Variants in FBXO31 observed in about 807,000 individuals in gnomAD.
FBXO31 encodes the protein F-box only protein 31.
Under a neutral mutation model 54.4 loss-of-function variants are expected in FBXO31, and 24 were observed. The observed-to-expected ratio is 0.44, with a 90% CI of 0.32 to 0.62. FBXO31 has a LOEUF of 0.62. Ranked by LOEUF, FBXO31 falls within the 20% of genes least tolerant of loss-of-function variation. The probability of loss-of-function intolerance (pLI) is 0.05; values close to 1 mark genes in which losing one functional copy is unlikely to be tolerated. For synonymous variants in FBXO31, 388 were observed against 335.6 expected (o/e 1.16, Z -1.71); for missense variants, 665 against 787.1 (o/e 0.84, Z 1.86).
At chr16:87,373,172 C>A (rs566240624) in intron 1 of FBXO31, among the ~76,000 whole-genome samples, 13 of 152,232 alleles carry the variant, frequency 8.5e-5, no homozygotes, top group African/African-American at 3.1e-4. Context: ...CTGAAGCTGG[C>A]CGGGCACAGT....
intron 3 of FBXO31, among the ~76,000 whole-genome samples, chr16:87,344,674 A>G (rs1905303216): frequency 2.6e-5 from 4 of 152,170 alleles, no homozygotes; most frequent in African/African-American, 9.6e-5. Flanking sequence ...CACTGCCAGT[A>G]AGTAAAACAA....
intron 1 of FBXO31, among the ~76,000 whole-genome samples, chr16:87,380,980 T>C (rs1411671192): frequency 6.6e-6 from 1 of 152,238 alleles, no homozygotes; most frequent in African/African-American, 2.4e-5. Flanking sequence ...CCTTACGGTT[T>C]CCCAAACAAA....
In FBXO31 at chr16:87,378,825, G is replaced by A. The variant is rs192671060; in HGVS notation, c.340+4580C>T. ...AAAGACAAAAAATTTAGCAGGGCAC[G>A]GTGGCGGGCGCCTGTAGTCCCAGCT... is the stretch of plus-strand genomic sequence containing the variant. On this transcript the variant is annotated intron_variant, in intron 1 of 8. Transcript: ENST00000311635. Among the ~76,000 whole-genome samples, 262 of 152,094 alleles carry A rather than the reference G, an allele frequency of 1.7e-3. 1 individual carries two copies. Among genetic ancestry groups the A allele is most frequent in the African/African-American group, 5.8e-3 (242 of 41,498 alleles).
upstream of FBXO31, among the ~76,000 whole-genome samples, chr16:87,390,426 T>C (rs1030931597): frequency 2.6e-5 from 4 of 152,142 alleles, no homozygotes; most frequent in Admixed American, 6.5e-5. Context: ...ATAAAAGCAC[T>C]TTGAGAAATA....
Position 87,383,604 on chromosome 16 carries a change from G to A in FBXO31, c.141C>T (p.Ser47=). ...TDPEEERIEA[S]AGVGGGLCAG... is the part of the protein sequence containing the mutation. ...CGCACAAGCCGCCCCCGACCCCGGC[G>A]CTAGCCTCGATGCGCTCCTCCTCGG... is the stretch of plus-strand genomic sequence containing the variant. The change falls in exon 1 of 9, where the codon AGC becomes AGT. Residue 47 remains serine (S), a synonymous_variant. Transcript: ENST00000311635. The surrounding 1 kb of genome is among the most constrained non-coding windows in gnomAD (Gnocchi z 4.9). 6.8e-7 allele frequency: 1 copy of A among 1,470,606 alleles called. No individual in the cohort carries two copies. The highest frequency in any genetic ancestry group is 1.5e-5 in the African/African-American group (1 of 67,882). The allele number at this position is 1,470,606 out of a possible 1,614,324, so 91.1% of individuals were successfully genotyped here. A position where few individuals can be genotyped will look rare whatever the true frequency, so the allele number is the denominator to read the frequency against.
intron 2 of FBXO31, among the ~76,000 whole-genome samples, chr16:87,355,978 T>A (rs1373626153): frequency 6.6e-6 from 1 of 152,060 alleles, no homozygotes; most frequent in Non-Finnish European, 1.5e-5. Flanking sequence ...TCAGTGCTTG[T>A]CCCCTTGTAT....
At chr16:87,370,741 C>T (rs900030466) in intron 1 of FBXO31, among the ~76,000 whole-genome samples, 1 of 152,148 alleles carries the variant, frequency 6.6e-6, no homozygotes, top group Non-Finnish European at 1.5e-5. Context: ...GAGGGGGCGG[C>T]GAGTGCTGAG....
At chr16:87,391,403 G>C (rs1229439357), upstream of FBXO31, among the ~76,000 whole-genome samples, 2 of 152,208 alleles carry the variant, frequency 1.3e-5, no homozygotes, top group Non-Finnish European at 2.9e-5. Flanking sequence ...GGTGGTTTAC[G>C]CACTGCAGCC....
At chr16:87,344,016 A>G (rs939473043) in intron 3 of FBXO31, among the ~76,000 whole-genome samples, 3 of 152,212 alleles carry the variant, frequency 2.0e-5, no homozygotes, top group Non-Finnish European at 4.4e-5. Context: ...GACAGAGGGA[A>G]AGGGGGTGCA....
chr16:87,352,991 T>C (rs1269264228), intron 2 of FBXO31, among the ~76,000 whole-genome samples: 1 of 152,184 alleles, frequency 6.6e-6, no homozygotes, highest in Non-Finnish European at 1.5e-5. Context: ...GATGGAGATT[T>C]TGTGGGTGGA....
chr16:87,384,600 GTCCTCTCACCTGAGCAGCCGCGCAC>G (rs1470617646), upstream of FBXO31, among the ~76,000 whole-genome samples: 5 of 152,220 alleles, frequency 3.3e-5, no homozygotes, highest in Non-Finnish European at 4.4e-5. Context: ...CCGCGAAGGC[GTCCTCTCACCTGAGCAGCCGCGCAC>G]GTCGCCGTGG....
chr16:87,334,048 G>T lies in FBXO31; in HGVS notation c.1235C>A (p.Pro412His), dbSNP rs1346243127. 1.2e-6 allele frequency: 2 copies of T among 1,612,406 alleles called. No homozygotes were observed. Among genetic ancestry groups the T allele is most frequent in the Non-Finnish European group, 1.7e-6 (2 of 1,179,622 alleles). ...PSPAQPRAEAPSKGPDGTPGE... is the reference protein window; with the variant it reads ...PSPAQPRAEAHSKGPDGTPGE... Reference sequence around the variant, plus strand: ...AGGTGTCCCATCTGGGCCCTTGCTGGGCGCCTCTGCCCTGGGCTGGGCAGG... The same window carrying T: ...AGGTGTCCCATCTGGGCCCTTGCTGTGCGCCTCTGCCCTGGGCTGGGCAGG... The change falls in exon 8 of 9, where the codon CCC (proline) becomes CAC (histidine). Residue 412 changes from proline to histidine, a missense_variant. This residue lies in a region of FBXO31 where 165 missense variants were observed against 159.7 expected (regional missense o/e 1.03). Transcript: ENST00000311635.
intron 1 of FBXO31, among the ~76,000 whole-genome samples, chr16:87,381,972 A>G (rs1411447842): frequency 1.3e-5 from 2 of 151,990 alleles, no homozygotes; most frequent in Non-Finnish European, 2.9e-5. Flanking sequence ...GCAGTGAGCC[A>G]AGACCGCGCC....
upstream of FBXO31, chr16:87,383,976 G>C (rs901575769): frequency 4.1e-6 from 1 of 243,658 alleles, no homozygotes; most frequent in Non-Finnish European, 7.7e-6. The surrounding 1 kb of genome is among the most constrained non-coding windows in gnomAD (Gnocchi z 4.9). Flanking sequence ...CGCCCGTGAC[G>C]GGCATGAGAA....
At chr16:87,372,683 C>G (rs1242912602) in intron 1 of FBXO31, among the ~76,000 whole-genome samples, 1 of 151,818 alleles carries the variant, frequency 6.6e-6, no homozygotes, top group Non-Finnish European at 1.5e-5. Flanking sequence ...ACTTCAGCCA[C>G]CTGAGTAGCT....
chr16:87,374,019 C>A (rs920482523), intron 1 of FBXO31, among the ~76,000 whole-genome samples: 14 of 152,004 alleles, frequency 9.2e-5, no homozygotes, highest in Non-Finnish European at 1.3e-4. Context: ...GCAGGAGGTT[C>A]CCTTGAGGCC....
rs535183361 is a variant in FBXO31, at chr16:87,373,532, ACTTTT to A, written c.340+9868_340+9872del. Among the ~76,000 whole-genome samples, 700 of 129,366 alleles carry A rather than the reference ACTTTT, an allele frequency of 5.4e-3. 5 individuals carry two copies. Among genetic ancestry groups the A allele is most frequent in the African/African-American group, 0.016 (644 of 40,092 alleles). 84.9% of individuals were successfully genotyped at this position (129,366 alleles called of 152,430 possible). A position where few individuals can be genotyped will look rare whatever the true frequency, so the allele number is the denominator to read the frequency against. On this transcript the variant is annotated intron_variant, in intron 1 of 8. Transcript: ENST00000311635. ...ATATACACATACATACCTGAAGCCAACTTTTCTTTTTTTTTTTGACAGGGTCTCAC... is the reference window on the plus strand; with the variant it reads ...ATATACACATACATACCTGAAGCCAACTTTTTTTTTTTGACAGGGTCTCAC...
chr16:87,387,399 T>A (rs1167794271), upstream of FBXO31, among the ~76,000 whole-genome samples: 1 of 152,220 alleles, frequency 6.6e-6, no homozygotes, highest in Non-Finnish European at 1.5e-5. Context: ...TTTACAATAA[T>A]GACCTCTTTG....
intron 1 of FBXO31, among the ~76,000 whole-genome samples, chr16:87,370,459 G>A (rs559405609): frequency 6.6e-6 from 1 of 152,386 alleles, no homozygotes; most frequent in East Asian, 1.9e-4. Context: ...AGTGTGGAGA[G>A]AGCTTTGCCC....
Sources: allele counts gnomAD v4.1 joint callset (sites outside exome capture counted in the v4.1 genomes callset), GRCh38; gene constraint gnomAD v4.1.1; regional missense constraint gnomAD v4.1.1; non-coding constraint Gnocchi (gnomAD v3.1); transcripts MANE v1.5; gene names NCBI Gene and HGNC (gene_info 2026-07-23, HGNC 2026-07-21).